The following EIF2B1 variants were observed in gnomAD, a reference collection of about 807,000 sequenced individuals.
EIF2B1 encodes the protein eukaryotic translation initiation factor 2B subunit alpha.
Under a neutral mutation model 36.8 loss-of-function variants are expected in EIF2B1, and 30 were observed. The observed-to-expected ratio is 0.81, with a 90% CI of 0.61 to 1.10. The LOEUF (loss-of-function observed/expected upper bound fraction) is 1.10, where lower values mean the gene tolerates loss of function less well. Ranked by LOEUF, EIF2B1 falls within the 50% of genes least tolerant of loss-of-function variation. The probability of loss-of-function intolerance (pLI) is 0.00; values close to 1 mark genes in which losing one functional copy is unlikely to be tolerated. For missense variants in EIF2B1, 271 were observed against 374.8 expected, an observed-to-expected ratio of 0.72 and a Z score of 2.29; for synonymous variants, 139 against 142.2, an observed-to-expected ratio of 0.98 and a Z score of 0.16.
chr12:123,624,908 C>T (rs755996778), intron 6 of EIF2B1, 46 bp from the exon 7 acceptor site: 27 of 1,502,572 alleles, frequency 1.8e-5, no homozygotes, highest in Middle Eastern at 1.7e-4. Context: ...TTGGCTCTAA[C>T]GAGTAGCATC....
rs747500093 is a variant in EIF2B1, at chr12:123,621,739, A to C, written c.*17T>G. The C allele has an allele frequency of 6.2e-7, 1 of 1,613,126 alleles. No homozygotes were observed. On this transcript the variant is annotated 3_prime_UTR_variant, in exon 9 of 9. Coordinates refer to ENST00000424014, the MANE Select transcript of EIF2B1 (RefSeq NM_001414.4). Reference sequence around the variant, plus strand: ...TCAACTACGTAAGCTGCACCTTGGCAGGAAAGGGCTCACAGGTTACAGATA... The same window carrying C: ...TCAACTACGTAAGCTGCACCTTGGCCGGAAAGGGCTCACAGGTTACAGATA...
Position 123,621,638 on chromosome 12 carries a change from A to G in EIF2B1, c.*118T>C. 1 of 1,296,314 alleles carries G rather than the reference A, an allele frequency of 7.7e-7. No individual in the cohort carries two copies. Among genetic ancestry groups the G allele is most frequent in the Non-Finnish European group, 1.1e-6 (1 of 904,868 alleles). The allele number at this position is 1,296,314 out of a possible 1,614,324, so 80.3% of individuals were successfully genotyped here. On this transcript the variant is annotated 3_prime_UTR_variant, in exon 9 of 9. Coordinates refer to ENST00000424014, the MANE Select transcript of EIF2B1 (RefSeq NM_001414.4). ...CCAAGATGTATGATTTTAAGTCCTT[A>G]CTCCATAAATCTTCATTAAACACAT...
intron 2 of EIF2B1, among the ~76,000 whole-genome samples, chr12:123,631,991 C>T (rs1256541782): frequency 6.7e-6 from 1 of 150,152 alleles, no homozygotes; most frequent in Non-Finnish European, 1.5e-5. Context: ...AACAAACGGC[C>T]GGGCACAGTG....
At chr12:123,623,982 A>C (rs1339245400) in intron 7 of EIF2B1, among the ~76,000 whole-genome samples, 1 of 151,778 alleles carries the variant, frequency 6.6e-6, no homozygotes, top group Non-Finnish European at 1.5e-5. Flanking sequence ...GACTGCAGTA[A>C]GCTATGATCA....
intron 1 of EIF2B1, among the ~76,000 whole-genome samples, chr12:123,632,710 T>G (rs2017181): frequency 0.49 from 74,741 of 151,394 alleles, 20,255 homozygotes; most frequent in African/African-American, 0.72. Flanking sequence ...ACTTTGGGAG[T>G]CCGAGGCGGG....
chr12:123,625,497 T>A (rs77070660), intron 6 of EIF2B1, among the ~76,000 whole-genome samples: 4,079 of 152,284 alleles, frequency 0.027, 169 homozygotes, highest in African/African-American at 0.093. Context: ...TGAGCCACTG[T>A]GCCCAACCTT....
chr12:123,627,168 G>T lies in EIF2B1; in HGVS notation c.370-12C>A. 1 of 1,611,306 alleles carries T rather than the reference G, an allele frequency of 6.2e-7. No homozygotes were observed. The highest frequency in any genetic ancestry group is 8.5e-7 in the Non-Finnish European group (1 of 1,178,028). On this transcript the variant is annotated splice_polypyrimidine_tract_variant and intron_variant, in intron 4 of 8. Coordinates refer to ENST00000424014, the MANE Select transcript of EIF2B1 (RefSeq NM_001414.4). Reference sequence around the variant, plus strand: ...TGAGTCAATATTGTCTGTGGACCGAGAAAGCTTTGTCAAAGGGGCAGGCTC... The same window carrying T: ...TGAGTCAATATTGTCTGTGGACCGATAAAGCTTTGTCAAAGGGGCAGGCTC...
In EIF2B1 at chr12:123,626,494, C is replaced by A; in HGVS notation, c.483-1G>T. On this transcript the variant is annotated splice_acceptor_variant, in intron 5 of 8. Coordinates refer to ENST00000424014, the MANE Select transcript of EIF2B1 (RefSeq NM_001414.4). LOFTEE classifies it high-confidence loss of function. Reference sequence around the variant, plus strand: ...GCAGAGGGCTTTGGCCATTTTCTTACTGAAGATGACATTTTGAGAACGTTA... The same window carrying A: ...GCAGAGGGCTTTGGCCATTTTCTTAATGAAGATGACATTTTGAGAACGTTA... The A allele has an allele frequency of 6.2e-7, 1 of 1,614,068 alleles. No individual in the cohort carries two copies. The highest frequency in any genetic ancestry group is 8.5e-7 in the Non-Finnish European group (1 of 1,179,978).
intron 5 of EIF2B1, 104 bp downstream of exon 5, chr12:123,626,940 G>A (rs1566215733): frequency 2.9e-6 from 3 of 1,051,046 alleles, no homozygotes; most frequent in Non-Finnish European, 3.0e-6. Context: ...GCTGACTGCT[G>A]GCAAGCTGGG....
chr12:123,626,314 C>T lies in EIF2B1; in HGVS notation c.551+111G>A, dbSNP rs149944921. 284 of 1,293,414 alleles carry T rather than the reference C, an allele frequency of 2.2e-4. No homozygotes were observed. In the Middle Eastern group the frequency reaches 3.1e-3, roughly 14 times the overall value. 80.1% of individuals were successfully genotyped at this position (1,293,414 alleles called of 1,614,324 possible). ...GGCAGCTATTAATTAAGAAGTAGGACGCTACCTGGTGTGGCTTTATGAACG... is the reference window on the plus strand; with the variant it reads ...GGCAGCTATTAATTAAGAAGTAGGATGCTACCTGGTGTGGCTTTATGAACG... On this transcript the variant is annotated intron_variant, in intron 6 of 8. Transcript: ENST00000424014.
At position 123,621,721 on chromosome 12, in the gene EIF2B1, C is replaced by G; in HGVS notation, c.*35G>C. Reference sequence around the variant, plus strand: ...GCAGCTACTCACCCTGCCTCAACTACGTAAGCTGCACCTTGGCAGGAAAGG... The same window carrying G: ...GCAGCTACTCACCCTGCCTCAACTAGGTAAGCTGCACCTTGGCAGGAAAGG... On this transcript the variant is annotated 3_prime_UTR_variant, in exon 9 of 9. Transcript: ENST00000424014. 6.2e-7 allele frequency: 1 copy of G among 1,612,658 alleles called. No homozygotes were observed.
Position 123,621,641 on chromosome 12 carries a change from C to T in EIF2B1, c.*115G>A, listed in dbSNP as rs896646528. The T allele has an allele frequency of 1.5e-6, 2 of 1,336,192 alleles. No homozygotes were observed. The highest frequency in any genetic ancestry group is 2.9e-5 in the African/African-American group (2 of 69,348). The allele number at this position is 1,336,192 out of a possible 1,614,324, so 82.8% of individuals were successfully genotyped here. A position where few individuals can be genotyped will look rare whatever the true frequency, so the allele number is the denominator to read the frequency against. The stretch of plus-strand genomic sequence containing the variant: ...AGATGTATGATTTTAAGTCCTTACT[C>T]CATAAATCTTCATTAAACACATCTC... On this transcript the variant is annotated 3_prime_UTR_variant, in exon 9 of 9. Coordinates refer to ENST00000424014, the MANE Select transcript of EIF2B1 (RefSeq NM_001414.4).
intron 8 of EIF2B1, 45 bp from the exon 9 acceptor site, chr12:123,621,965 T>C: frequency 6.2e-7 from 1 of 1,607,178 alleles, no homozygotes; most frequent in Non-Finnish European, 8.5e-7. Context: ...TATTTAGTGC[T>C]CTGACCTGGT....
At chr12:123,622,195 C>T (rs1452030070) in intron 8 of EIF2B1, among the ~76,000 whole-genome samples, 4 of 152,274 alleles carry the variant, frequency 2.6e-5, no homozygotes, top group Middle Eastern at 6.8e-3. Flanking sequence ...AAGGGAAGAT[C>T]GAGAGTCACA....
At chr12:123,626,918 A>G in intron 5 of EIF2B1, 126 bp downstream of exon 5, 1 of 843,068 alleles carries the variant, frequency 1.2e-6, no homozygotes, top group South Asian at 1.4e-5. Flanking sequence ...AAAAGGTACA[A>G]TGAAAGGCAG....
intron 1 of EIF2B1, among the ~76,000 whole-genome samples, chr12:123,633,317 C>G (rs1593785563): frequency 6.6e-6 from 1 of 151,168 alleles, no homozygotes; most frequent in Non-Finnish European, 1.5e-5. Context: ...GAGACTGGCA[C>G]TGGGAAGGAG....
rs1555284588 is a variant in EIF2B1 at position 123,620,580 on chromosome 12, T to TA, written c.*1175_*1176insT. ...GGTCACATATAGACATATGTACATA[T>TA]TATATATATATATATATATATATAT... is the stretch of plus-strand genomic sequence containing the variant. On this transcript the variant is annotated 3_prime_UTR_variant, in exon 9 of 9. Coordinates refer to ENST00000424014, the MANE Select transcript of EIF2B1 (RefSeq NM_001414.4). 4 of 65,352 alleles carry TA rather than the reference T, an allele frequency of 6.1e-5. No homozygotes were observed. The highest frequency in any genetic ancestry group is 1.4e-3 in the East Asian group (1 of 732). 4.0% of individuals were successfully genotyped at this position (65,352 alleles called of 1,614,324 possible). A position where few individuals can be genotyped will look rare whatever the true frequency, so the allele number is the denominator to read the frequency against.
At position 123,622,934 on chromosome 12, in the gene EIF2B1, A is replaced by G. The variant is rs185647191; in HGVS notation, c.628-173T>C. ...GGACCAGCCTAGGCAACACGGTGAG[A>G]CCTCGTCTCAATTACAATAAAGGAA... On this transcript the variant is annotated intron_variant, in intron 7 of 8. Transcript: ENST00000424014. 2.0e-5 allele frequency among the ~76,000 whole-genome samples: 3 copies of G among 148,710 alleles called. No individual in the cohort carries two copies. In the East Asian group the frequency reaches 6.0e-4, roughly 30 times the overall value.
chr12:123,624,775 T>C lies in EIF2B1; in HGVS notation c.627+12A>G. The C allele has an allele frequency of 6.2e-7, 1 of 1,612,854 alleles. No homozygotes were observed. The highest frequency in any genetic ancestry group is 1.3e-5 in the African/African-American group (1 of 75,018). On this transcript the variant is annotated intron_variant, in intron 7 of 8. Coordinates refer to ENST00000424014, the MANE Select transcript of EIF2B1 (RefSeq NM_001414.4). ...TCTTGAGCAGGGAACTGGGGAGAACTGATGCTCTTACCTTGTTAATAATTC... is the reference window on the plus strand; with the variant it reads ...TCTTGAGCAGGGAACTGGGGAGAACCGATGCTCTTACCTTGTTAATAATTC...
Sources: gnomAD v4.1 joint callset for allele counts (sites outside exome capture counted in the v4.1 genomes callset) on GRCh38, gnomAD v4.1.1 for gene constraint, MANE v1.5 for transcripts, NCBI Gene and HGNC (gene_info 2026-07-23, HGNC 2026-07-21) for gene names.